The following YPEL1 variants were observed in gnomAD, a reference collection of about 807,000 sequenced individuals.
YPEL1 encodes the protein yippee like 1.
Under a neutral mutation model 17.3 loss-of-function variants are expected in YPEL1, and 7 were observed. That is an observed-to-expected ratio of 0.40 (90% CI 0.23 to 0.76). The LOEUF is 0.76. Among genes scored for constraint, YPEL1 ranks in the 30% least tolerant of loss-of-function variants. YPEL1 has a pLI of 0.35. For synonymous variants in YPEL1, 59 were observed against 59.6 expected (o/e 0.99, Z 0.05); for missense variants, 91 against 155.5 (o/e 0.59, Z 2.21).
chr22:21,717,678 A>C (rs1482629129), intron 1 of YPEL1, among the ~76,000 whole-genome samples: 1 of 152,222 alleles, frequency 6.6e-6, no homozygotes, highest in Non-Finnish European at 1.5e-5. Context: ...AAAAAGTCTT[A>C]AAAGTGTCCA....
intron 1 of YPEL1, among the ~76,000 whole-genome samples, chr22:21,717,181 G>C (rs113985413): frequency 9.9e-5 from 15 of 151,932 alleles, no homozygotes; most frequent in Admixed American, 9.8e-4. Context: ...TTCGAGACCA[G>C]CCTGGCCAAC....
chr22:21,713,213 A>G (rs1268219532), intron 1 of YPEL1, among the ~76,000 whole-genome samples: 1 of 152,186 alleles, frequency 6.6e-6, no homozygotes, highest in African/African-American at 2.4e-5. Context: ...TAATTCCTCA[A>G]AAAACGAAAT....
At chr22:21,717,246 T>C (rs1426267114) in intron 1 of YPEL1, among the ~76,000 whole-genome samples, 3 of 151,814 alleles carry the variant, frequency 2.0e-5, no homozygotes, top group South Asian at 2.1e-4. Context: ...CGTGGTGGTG[T>C]CTGCCTGTAG....
Position 21,710,895 on chromosome 22 carries a change from G to C in YPEL1, c.-151C>G, listed in dbSNP as rs933799082. 2.8e-6 allele frequency: 2 copies of C among 707,478 alleles called. No homozygotes were observed. The highest frequency in any genetic ancestry group is 3.5e-5 in the African/African-American group (2 of 57,140). The allele number at this position is 707,478 out of a possible 1,614,324, so 43.8% of individuals were successfully genotyped here. On this transcript the variant is annotated 5_prime_UTR_variant, in exon 2 of 5. Coordinates refer to ENST00000339468, the MANE Select transcript of YPEL1 (RefSeq NM_013313.5). Reference sequence around the variant, plus strand: ...GGCACTGTCCACACAGCTGGGACGAGAGAAAAACGTAACCTGCCAACCAAT... The same window carrying C: ...GGCACTGTCCACACAGCTGGGACGACAGAAAAACGTAACCTGCCAACCAAT...
intron 1 of YPEL1, among the ~76,000 whole-genome samples, chr22:21,724,543 A>C (rs577012575): frequency 3.3e-5 from 5 of 150,450 alleles, no homozygotes; most frequent in Admixed American, 2.7e-4. Flanking sequence ...TCCTGGGGGG[A>C]AAAAAATAGT....
chr22:21,708,117 C>T (rs778279735), intron 2 of YPEL1, among the ~76,000 whole-genome samples: 3 of 151,866 alleles, frequency 2.0e-5, no homozygotes, highest in South Asian at 2.1e-4. Flanking sequence ...CAGGTGTTCT[C>T]GATGGTCTCA....
intron 1 of YPEL1, among the ~76,000 whole-genome samples, chr22:21,726,269 C>T (rs939228525): frequency 3.9e-5 from 6 of 152,212 alleles, no homozygotes; most frequent in African/African-American, 1.4e-4. Context: ...CAGAAGGTTC[C>T]AGGAAGGAAT....
chr22:21,721,417 C>CTTTT (rs1413173206), intron 1 of YPEL1, among the ~76,000 whole-genome samples: 1 of 41,158 alleles, frequency 2.4e-5, no homozygotes, highest in African/African-American at 8.2e-5. Flanking sequence ...CATGCCCAGC[C>CTTTT]TTTTTTTCTT....
At chr22:21,709,911 C>T (rs2068149182) in intron 2 of YPEL1, among the ~76,000 whole-genome samples, 2 of 150,604 alleles carry the variant, frequency 1.3e-5, no homozygotes, top group East Asian at 2.0e-4. Flanking sequence ...GTGGTCATGA[C>T]GTATGAGGAT....
chr22:21,719,205 T>G (rs2068256448), intron 1 of YPEL1, among the ~76,000 whole-genome samples: 1 of 152,168 alleles, frequency 6.6e-6, no homozygotes, highest in Admixed American at 6.6e-5. Flanking sequence ...TCTGCTCTCC[T>G]GTCCACATGT....
Position 21,697,848 on chromosome 22 carries a change from C to A in YPEL1, c.*3281G>T, listed in dbSNP as rs1373238015. ...ATTTGTAGTTTTTTAGCTATTAAAA[C>A]CATTTGAATTTTTAACGACCTGATG... is the stretch of plus-strand genomic sequence containing the variant. On this transcript the variant is annotated 3_prime_UTR_variant, in exon 5 of 5. Transcript: ENST00000339468. The A allele has an allele frequency of 2.0e-5, 3 of 152,258 alleles. No homozygotes were observed. The highest frequency in any genetic ancestry group is 2.9e-5 in the Non-Finnish European group (2 of 68,018). The allele number at this position is 152,258 out of a possible 1,614,324, so 9.4% of individuals were successfully genotyped here. A position where few individuals can be genotyped will look rare whatever the true frequency, so the allele number is the denominator to read the frequency against.
chr22:21,706,898 T>C (rs1270384623), intron 2 of YPEL1, among the ~76,000 whole-genome samples: 1 of 151,960 alleles, frequency 6.6e-6, no homozygotes, highest in Non-Finnish European at 1.5e-5. Context: ...AGTCATAAAA[T>C]ACTAAGTGAG....
Position 21,710,827 on chromosome 22 carries a change from T to A in YPEL1, c.-83A>T. On this transcript the variant is annotated 5_prime_UTR_variant, in exon 2 of 5. Transcript: ENST00000339468. ...CTGGCCTCTCTGACAAAAGCAACAC[T>A]GGAAAATGCACGCAAGAGCCGTCGT... 8.1e-7 allele frequency: 1 copy of A among 1,237,918 alleles called. No individual in the cohort carries two copies. The highest frequency in any genetic ancestry group is 1.2e-6 in the Non-Finnish European group (1 of 838,448). 76.7% of individuals were successfully genotyped at this position (1,237,918 alleles called of 1,614,324 possible). A position where few individuals can be genotyped will look rare whatever the true frequency, so the allele number is the denominator to read the frequency against.
intron 2 of YPEL1, among the ~76,000 whole-genome samples, chr22:21,706,689 T>C (rs2068119265): frequency 6.6e-6 from 1 of 150,942 alleles, no homozygotes; most frequent in Non-Finnish European, 1.5e-5. Flanking sequence ...CTACAAAAAA[T>C]ATAAAAATTA....
At chr22:21,730,442 T>C (rs1322879805) in intron 1 of YPEL1, among the ~76,000 whole-genome samples, 1 of 152,156 alleles carries the variant, frequency 6.6e-6, no homozygotes, top group African/African-American at 2.4e-5. Context: ...AGGCTTGCCT[T>C]GAACTCCTGA....
chr22:21,731,571 G>A (rs2068387827), intron 1 of YPEL1, among the ~76,000 whole-genome samples: 1 of 151,528 alleles, frequency 6.6e-6, no homozygotes, highest in Admixed American at 6.6e-5. Flanking sequence ...TACACAAAGA[G>A]GAACCAGAAA....
In YPEL1 at chr22:21,703,028, CGCAGCCCCCT is replaced by C. The variant is rs1450836352; in HGVS notation, c.270+332_270+341del. On this transcript the variant is annotated intron_variant, in intron 4 of 4. Coordinates refer to ENST00000339468, the MANE Select transcript of YPEL1 (RefSeq NM_013313.5). The surrounding 1 kb of genome is among the most constrained non-coding windows in gnomAD (Gnocchi z 6.1). Reference sequence around the variant, plus strand: ...GTCCCTGACAGTGGGCACAGCCTCCCGCAGCCCCCTGCAGCCTCCTCGGCCTCCTCCCACA... The same window carrying C: ...GTCCCTGACAGTGGGCACAGCCTCCCGCAGCCTCCTCGGCCTCCTCCCACA... Among the ~76,000 whole-genome samples the C allele has an allele frequency of 1.3e-5, 2 of 152,342 alleles. No homozygotes were observed. The highest frequency in any genetic ancestry group is 2.1e-4 in the South Asian group (1 of 4,830).
intron 1 of YPEL1, among the ~76,000 whole-genome samples, chr22:21,727,462 CTG>C (rs1435016711): frequency 2.0e-5 from 3 of 152,374 alleles, no homozygotes; most frequent in East Asian, 1.9e-4. Flanking sequence ...CTCTCGGACA[CTG>C]TGTGTCCCCA....
At chr22:21,706,572 G>A (rs2068117957) in intron 2 of YPEL1, among the ~76,000 whole-genome samples, 1 of 152,168 alleles carries the variant, frequency 6.6e-6, no homozygotes, top group Non-Finnish European at 1.5e-5. Flanking sequence ...ACAGTCATAG[G>A]CTAGGCACCA....
Sources: allele counts gnomAD v4.1 joint callset (sites outside exome capture counted in the v4.1 genomes callset), GRCh38; gene constraint gnomAD v4.1.1; non-coding constraint Gnocchi (gnomAD v3.1); transcripts MANE v1.5; gene names NCBI Gene and HGNC (gene_info 2026-07-23, HGNC 2026-07-21).